Variants in EXTL3 observed in about 807,000 individuals in gnomAD.
EXTL3 encodes the protein exostosin like glycosyltransferase 3.
In EXTL3, 27 loss-of-function variants were observed where a neutral mutation model predicts 69.3. The observed-to-expected ratio is 0.39, with a 90% confidence interval of 0.29 to 0.54. EXTL3 has a LOEUF of 0.54. Ranked by LOEUF, EXTL3 falls within the 20% of genes least tolerant of loss-of-function variation. The pLI is 0.69. For synonymous variants in EXTL3, 511 were observed against 499.4 expected (o/e 1.02, Z -0.31); for missense variants, 1,003 against 1,231.8 (o/e 0.81, Z 2.78).
upstream of EXTL3, among the ~76,000 whole-genome samples, chr8:28,619,316 C>A (rs1256639687): frequency 2.2e-5 from 2 of 92,884 alleles, no homozygotes; most frequent in African/African-American, 7.6e-5. Context: ...AAAAAAAAAA[C>A]CCTGTGTGAG....
At chr8:28,739,528 G>A (rs547642241) in intron 5 of EXTL3, among the ~76,000 whole-genome samples, 21 of 151,970 alleles carry the variant, frequency 1.4e-4, no homozygotes, top group African/African-American at 3.6e-4. Flanking sequence ...ATGCAGTTTC[G>A]CCATGTTGCT....
intron 1 of EXTL3, chr8:28,631,387 C>G (rs543644715): frequency 9.2e-5 from 14 of 152,236 alleles, no homozygotes; most frequent in African/African-American, 3.4e-4. Flanking sequence ...AGGAAGTTAC[C>G]TGGCGATGAG....
At chr8:28,698,692 AC>A (rs1372373605), upstream of EXTL3, among the ~76,000 whole-genome samples, 1 of 152,094 alleles carries the variant, frequency 6.6e-6, no homozygotes, top group Non-Finnish European at 1.5e-5. Flanking sequence ...CTACAAAAAA[AC>A]AAAACAAAAC....
chr8:28,736,606 C>T (rs1414190103), intron 4 of EXTL3, among the ~76,000 whole-genome samples: 2 of 152,112 alleles, frequency 1.3e-5, no homozygotes, highest in Non-Finnish European at 1.5e-5. Context: ...CATGTTTCTC[C>T]GTCAGCCCTG....
At chr8:28,737,071 A>AACAC (rs1347092984) in intron 4 of EXTL3, among the ~76,000 whole-genome samples, 1 of 152,212 alleles carries the variant, frequency 6.6e-6, no homozygotes, top group Non-Finnish European at 1.5e-5. Flanking sequence ...TTGGCCTCCC[A>AACAC]AGTGCTGAGG....
chr8:28,611,946 G>C (rs1806276745), intron 2 of EXTL3, among the ~76,000 whole-genome samples: 1 of 152,170 alleles, frequency 6.6e-6, no homozygotes, highest in Admixed American at 6.5e-5. Flanking sequence ...TTTCCTCTAG[G>C]CTTTGCCAAC....
At chr8:28,693,420 G>A (rs1045344847) in intron 1 of EXTL3, among the ~76,000 whole-genome samples, 2 of 152,060 alleles carry the variant, frequency 1.3e-5, no homozygotes, top group African/African-American at 2.4e-5. Flanking sequence ...AAAAGTGCTG[G>A]GATTATAGGC....
rs374772131 is a variant in EXTL3, at chr8:28,717,480, A to G, written c.1421A>G (p.Asp474Gly). The G allele has an allele frequency of 3.3e-5, 53 of 1,614,092 alleles. No individual in the cohort carries two copies. Among genetic ancestry groups the G allele is most frequent in the Non-Finnish European group, 4.2e-5 (50 of 1,180,042 alleles). The change falls in exon 3 of 7, where the codon GAC becomes GGC. Residue 474 changes from aspartate to glycine, a missense_variant. By Grantham distance (94) the Asp-to-Gly change is moderately conservative (BLOSUM62 -1). This residue lies in a region of EXTL3 where 742 missense variants were observed against 815.4 expected (regional missense o/e 0.91). Coordinates refer to ENST00000220562, the MANE Select transcript of EXTL3 (RefSeq NM_001440.4). The surrounding 1 kb of genome is among the most constrained non-coding windows in gnomAD (Gnocchi z 8.3). The stretch of plus-strand genomic sequence containing the variant: ...GAGCAGGTCCAGCTTCCCTACCAGG[A>G]CATGCTGCAGTGGAACGAGGCGGCC... ...LGEQVQLPYQ[D>G]MLQWNEAALV...
chr8:28,617,908 C>T (rs77147271), upstream of EXTL3, among the ~76,000 whole-genome samples: 2,063 of 152,156 alleles, frequency 0.014, 43 homozygotes, highest in African/African-American at 0.047. Context: ...AAATATTGCA[C>T]GATTCCATTT....
intron 1 of EXTL3, among the ~76,000 whole-genome samples, chr8:28,639,077 A>T (rs1481201481): frequency 6.6e-6 from 1 of 151,602 alleles, no homozygotes; most frequent in Admixed American, 6.6e-5. Context: ...AGCAGGGACT[A>T]CAGGCGCCCA....
At chr8:28,730,960 A>G (rs1801522595) in intron 3 of EXTL3, among the ~76,000 whole-genome samples, 1 of 152,252 alleles carries the variant, frequency 6.6e-6, no homozygotes, top group Non-Finnish European at 1.5e-5. Context: ...TATTGCGTGT[A>G]TAAAATAATC....
chr8:28,675,382 A>G (rs1429977302), intron 1 of EXTL3, among the ~76,000 whole-genome samples: 1 of 152,240 alleles, frequency 6.6e-6, no homozygotes, highest in Non-Finnish European at 1.5e-5. Context: ...GTAATCATGT[A>G]TCATGACCTC....
At chr8:28,668,378 C>CTGGAGTG (rs1807232552) in intron 1 of EXTL3, among the ~76,000 whole-genome samples, 2 of 121,784 alleles carry the variant, frequency 1.6e-5, no homozygotes, top group Admixed American at 2.0e-4. Context: ...GTCACCCAGG[C>CTGGAGTG]TGGAGTGCAG....
At chr8:28,619,311 A>C (rs1011013115), upstream of EXTL3, among the ~76,000 whole-genome samples, 380 of 121,462 alleles carry the variant, frequency 3.1e-3, 1 homozygote, top group East Asian at 7.4e-3. Flanking sequence ...AAAAAAAAAA[A>C]AAAACCCTGT....
chr8:28,715,867 T>C lies in EXTL3; in HGVS notation c.-193T>C. ...TCAACAGCCAGAACTTAAAATCTGC[T>C]GGAATAGGGTCAGAGACCATTTCAG... On this transcript the variant is annotated 5_prime_UTR_variant, in exon 3 of 7. Coordinates refer to ENST00000220562, the MANE Select transcript of EXTL3 (RefSeq NM_001440.4). 1 of 591,340 alleles carries C rather than the reference T, an allele frequency of 1.7e-6. No individual in the cohort carries two copies. The highest frequency in any genetic ancestry group is 3.0e-6 in the Non-Finnish European group (1 of 334,394). 36.6% of individuals were successfully genotyped at this position (591,340 alleles called of 1,614,324 possible).
intron 3 of EXTL3, among the ~76,000 whole-genome samples, chr8:28,726,246 G>T (rs548404222): frequency 1.3e-5 from 2 of 152,158 alleles, no homozygotes; most frequent in South Asian, 2.1e-4. Context: ...GAGCCACTGC[G>T]CCCGGCCTGC....
intron 5 of EXTL3, among the ~76,000 whole-genome samples, chr8:28,738,049 C>A (rs1026949519): frequency 2.0e-5 from 3 of 152,162 alleles, no homozygotes; most frequent in Non-Finnish European, 4.4e-5. Context: ...TTAGATATAC[C>A]ATGCCTGTCC....
At chr8:28,719,894 C>CT (rs1207876108) in intron 3 of EXTL3, among the ~76,000 whole-genome samples, 1 of 152,136 alleles carries the variant, frequency 6.6e-6, no homozygotes, top group Non-Finnish European at 1.5e-5. Flanking sequence ...CAGAATGAAT[C>CT]TTTTTTTAAA....
At position 28,623,087 on chromosome 8, in the gene EXTL3, G is replaced by A. The variant is rs572687364; in HGVS notation, c.-53+277G>A. 8.5e-5 allele frequency among the ~76,000 whole-genome samples: 13 copies of A among 152,226 alleles called. No individual in the cohort carries two copies. Among genetic ancestry groups the A allele is most frequent in the African/African-American group, 2.9e-4 (12 of 41,548 alleles). On this transcript the variant is annotated intron_variant, in intron 1 of 6. Transcript: ENST00000523149. The surrounding 1 kb of genome is among the most constrained non-coding windows in gnomAD (Gnocchi z 4.2). ...TCGGAGTGTGGACGTGAACTCCGGGGTGGGCTGGGCTGGGTTTCTACAGAG... is the reference window on the plus strand; with the variant it reads ...TCGGAGTGTGGACGTGAACTCCGGGATGGGCTGGGCTGGGTTTCTACAGAG...
Sources: gnomAD v4.1 joint callset for allele counts (sites outside exome capture counted in the v4.1 genomes callset) on GRCh38, gnomAD v4.1.1 for gene constraint, gnomAD v4.1.1 regional missense constraint, Gnocchi (gnomAD v3.1) non-coding constraint, MANE v1.5 for transcripts, NCBI Gene and HGNC (gene_info 2026-07-23, HGNC 2026-07-21) for gene names.